The following KLHL32 variants were observed in gnomAD, a reference collection of about 807,000 sequenced individuals.
The protein encoded by KLHL32 is kelch like family member 32.
A neutral mutation model predicts 64.8 loss-of-function variants in KLHL32; 35 were observed. The ratio of observed to expected loss-of-function variants is 0.54; its 90% CI spans 0.41 to 0.72. The LOEUF is 0.72. KLHL32 is among the 30% of genes least tolerant of loss of function. KLHL32 has a pLI of 0.00. For synonymous variants in KLHL32, 259 were observed against 281.0 expected, an observed-to-expected ratio of 0.92 and a Z score of 0.78; for missense variants, 589 against 768.5, an observed-to-expected ratio of 0.77 and a Z score of 2.76.
intron 7 of KLHL32, among the ~76,000 whole-genome samples, chr6:97,125,964 A>G (rs970411730): frequency 6.6e-6 from 1 of 152,170 alleles, no homozygotes; most frequent in Non-Finnish European, 1.5e-5. Flanking sequence ...AGTTATGATT[A>G]CAAGTTTTCT....
intron 4 of KLHL32, among the ~76,000 whole-genome samples, chr6:97,061,334 C>G (rs1013891152): frequency 6.6e-6 from 1 of 152,114 alleles, no homozygotes; most frequent in East Asian, 1.9e-4. Context: ...CCTTTCCCCC[C>G]ACTTCCCCCA....
chr6:96,943,135 CAT>C (rs56036241), intron 1 of KLHL32, among the ~76,000 whole-genome samples: 9,988 of 152,012 alleles, frequency 0.066, 339 homozygotes, highest in South Asian at 0.12. Context: ...CATATAGACA[CAT>C]ATGCACACAC....
intron 3 of KLHL32, among the ~76,000 whole-genome samples, chr6:97,037,507 C>T (rs1022787768): frequency 6.6e-6 from 1 of 151,822 alleles, no homozygotes; most frequent in Admixed American, 6.6e-5. Context: ...ACAAGGAAAA[C>T]TATAAAACAC....
At chr6:97,112,448 G>T (rs1454308307) in intron 6 of KLHL32, among the ~76,000 whole-genome samples, 2 of 151,582 alleles carry the variant, frequency 1.3e-5, no homozygotes, top group Non-Finnish European at 2.9e-5. Flanking sequence ...TTTCATTGAT[G>T]ATTTTTTTTT....
chr6:96,942,330 C>A (rs79229721), intron 1 of KLHL32, among the ~76,000 whole-genome samples: 3,710 of 152,312 alleles, frequency 0.024, 53 homozygotes, highest in Non-Finnish European at 0.036. Flanking sequence ...CAACATGCTT[C>A]TTCACCTCAA....
intron 5 of KLHL32, among the ~76,000 whole-genome samples, chr6:97,083,944 A>G (rs1000239602): frequency 6.6e-6 from 1 of 152,076 alleles, no homozygotes; most frequent in Non-Finnish European, 1.5e-5. Context: ...GGTTTTGCTT[A>G]AGACTCACAA....
intron 6 of KLHL32, among the ~76,000 whole-genome samples, chr6:97,113,542 C>A (rs1173382998): frequency 1.3e-5 from 2 of 152,148 alleles, no homozygotes; most frequent in African/African-American, 4.8e-5. Flanking sequence ...CTGAAGCCCC[C>A]ATCAGTGTTG....
At chr6:97,086,867 A>G (rs2128181181) in intron 6 of KLHL32, among the ~76,000 whole-genome samples, 1 of 152,318 alleles carries the variant, frequency 6.6e-6, no homozygotes, top group South Asian at 2.1e-4. Flanking sequence ...AGGGAAAAAG[A>G]AAGATTTGGA....
At chr6:97,069,469 A>G (rs555916387) in intron 5 of KLHL32, among the ~76,000 whole-genome samples, 1 of 150,142 alleles carries the variant, frequency 6.7e-6, no homozygotes, top group Admixed American at 6.6e-5. Flanking sequence ...CAATTCTGAG[A>G]AGCACTAGAT....
chr6:97,103,435 G>C (rs1013078048), intron 6 of KLHL32, among the ~76,000 whole-genome samples: 4 of 152,022 alleles, frequency 2.6e-5, no homozygotes, highest in East Asian at 1.9e-4. Flanking sequence ...GGATGGTCTC[G>C]ATCTCCTGAC....
intron 6 of KLHL32, among the ~76,000 whole-genome samples, chr6:97,092,138 T>TGC (rs1794348815): frequency 6.6e-6 from 1 of 152,096 alleles, no homozygotes; most frequent in Admixed American, 6.6e-5. Context: ...TACAGGCATG[T>TGC]GCCACACACC....
At chr6:97,090,502 G>A (rs781245898) in intron 6 of KLHL32, among the ~76,000 whole-genome samples, 6 of 152,150 alleles carry the variant, frequency 3.9e-5, no homozygotes, top group Non-Finnish European at 8.8e-5. Context: ...TTCAAAAGGA[G>A]TCCCAGAAGT....
chr6:96,902,619 T>G, the KLHL32 span, among the ~76,000 whole-genome samples: 1 of 152,186 alleles, frequency 6.6e-6, no homozygotes, highest in Non-Finnish European at 1.5e-5. Flanking sequence ...AATTTTTGTT[T>G]TTGTTGCAAT....
intron 4 of KLHL32, among the ~76,000 whole-genome samples, chr6:97,049,997 G>T (rs1284355712): frequency 6.6e-6 from 1 of 152,060 alleles, no homozygotes; most frequent in South Asian, 2.1e-4. Flanking sequence ...TTTGCTTCAC[G>T]CCAGTCTGTT....
chr6:96,994,580 C>A (rs963442045), intron 3 of KLHL32: 1 of 985,234 alleles, frequency 1.0e-6, no homozygotes, highest in Non-Finnish European at 1.2e-6. Context: ...AAGGCCGAAG[C>A]TTTGATGGAT....
chr6:96,924,389 G>A (rs1203764575), upstream of KLHL32, among the ~76,000 whole-genome samples: 1 of 151,502 alleles, frequency 6.6e-6, no homozygotes, highest in Non-Finnish European at 1.5e-5. Context: ...CGACGCAGGT[G>A]CCGGAGAGCG....
At chr6:96,918,093 C>T in the KLHL32 span, among the ~76,000 whole-genome samples, 3 of 152,048 alleles carry the variant, frequency 2.0e-5, no homozygotes, top group Non-Finnish European at 4.4e-5. Flanking sequence ...AACCACTGGC[C>T]TAGAAGGAAG....
chr6:96,926,051 T>C (rs1466887406), intron 1 of KLHL32, among the ~76,000 whole-genome samples: 2 of 152,204 alleles, frequency 1.3e-5, no homozygotes, highest in Non-Finnish European at 2.9e-5. Context: ...TTTTGTTTTA[T>C]TTTGAGGTCT....
intron 3 of KLHL32, among the ~76,000 whole-genome samples, chr6:97,023,862 G>C (rs1435003168): frequency 1.3e-5 from 2 of 152,186 alleles, no homozygotes; most frequent in Non-Finnish European, 2.9e-5. Context: ...ATTAGAATCT[G>C]GTTCAGAAGA....
Sources: allele counts gnomAD v4.1 joint callset (sites outside exome capture counted in the v4.1 genomes callset), GRCh38; gene constraint gnomAD v4.1.1; transcripts MANE v1.5; gene names NCBI Gene and HGNC (gene_info 2026-07-23, HGNC 2026-07-21).